Variants in TPST1 observed in about 807,000 individuals in gnomAD.
The protein encoded by TPST1 is tyrosylprotein sulfotransferase 1.
Under a neutral mutation model 34.8 loss-of-function variants are expected in TPST1, and 20 were observed. The ratio of observed to expected loss-of-function variants is 0.57; its 90% CI spans 0.40 to 0.84. The LOEUF is 0.84. Ranked by LOEUF, TPST1 falls within the 40% of genes least tolerant of loss-of-function variation. The pLI, the probability that TPST1 is intolerant of heterozygous loss-of-function variation, is 0.00. For synonymous variants in TPST1, 152 were observed against 159.4 expected, an observed-to-expected ratio of 0.95 and a Z score of 0.35; for missense variants, 353 against 455.5, an observed-to-expected ratio of 0.78 and a Z score of 2.05.
At chr7:66,299,299 G>T (rs1013896033) in intron 3 of TPST1, among the ~76,000 whole-genome samples, 18 of 124,282 alleles carry the variant, frequency 1.4e-4, no homozygotes, top group South Asian at 5.2e-4. Context: ...ATGCTCTTAG[G>T]TTTTTTTTTT....
At chr7:66,275,958 CAT>C (rs758953115) in intron 2 of TPST1, among the ~76,000 whole-genome samples, 4 of 151,460 alleles carry the variant, frequency 2.6e-5, no homozygotes, top group Admixed American at 2.0e-4. Flanking sequence ...TATTTTAAAA[CAT>C]GTTATATATT....
chr7:66,208,013 G>T (rs1483128844), intron 1 of TPST1, among the ~76,000 whole-genome samples: 4 of 150,838 alleles, frequency 2.7e-5, no homozygotes, highest in African/African-American at 4.9e-5. Context: ...GACTGGTTCA[G>T]ACCTTGGTTA....
intron 3 of TPST1, among the ~76,000 whole-genome samples, chr7:66,325,282 G>C (rs1791841348): frequency 6.6e-6 from 1 of 152,090 alleles, no homozygotes; most frequent in Admixed American, 6.6e-5. Flanking sequence ...ACTTCCACCT[G>C]GTCTCTCCCT....
chr7:66,329,588 A>G (rs974658661), intron 3 of TPST1, among the ~76,000 whole-genome samples: 6 of 152,206 alleles, frequency 3.9e-5, no homozygotes, highest in Non-Finnish European at 8.8e-5. Flanking sequence ...GCGTTTCTCC[A>G]GTATATGACA....
chr7:66,357,806 C>T (rs1222831038), intron 5 of TPST1, among the ~76,000 whole-genome samples: 1 of 152,226 alleles, frequency 6.6e-6, no homozygotes, highest in Non-Finnish European at 1.5e-5. Context: ...CTGATATTGG[C>T]TGGGCATGGT....
At chr7:66,221,264 T>A (rs1477195578) in intron 1 of TPST1, among the ~76,000 whole-genome samples, 1 of 152,134 alleles carries the variant, frequency 6.6e-6, no homozygotes, top group African/African-American at 2.4e-5. Context: ...AACTGATTTT[T>A]TTTCCGTAAT....
intron 1 of TPST1, among the ~76,000 whole-genome samples, chr7:66,222,605 G>A (rs367611013): frequency 1.2e-4 from 18 of 152,284 alleles, no homozygotes; most frequent in African/African-American, 2.6e-4. Context: ...GTCAGGGACA[G>A]GTTGACTGAG....
intron 3 of TPST1, among the ~76,000 whole-genome samples, chr7:66,323,044 T>C (rs1413001854): frequency 6.6e-6 from 1 of 152,222 alleles, no homozygotes. Context: ...CATATGCTTG[T>C]TGTCTATTTA....
intron 2 of TPST1, among the ~76,000 whole-genome samples, chr7:66,243,941 ATTTT>A (rs55829208): frequency 6.9e-5 from 8 of 116,212 alleles, no homozygotes; most frequent in Non-Finnish European, 8.8e-5. Context: ...ATTCTGGGAA[ATTTT>A]TTTTTTTTTT....
intron 3 of TPST1, among the ~76,000 whole-genome samples, chr7:66,344,022 T>C (rs1054582537): frequency 6.6e-6 from 1 of 152,146 alleles, no homozygotes; most frequent in Non-Finnish European, 1.5e-5. Flanking sequence ...GGACAATAGA[T>C]AACCTGGGAA....
At chr7:66,358,813 C>T (rs749245403) in intron 5 of TPST1, among the ~76,000 whole-genome samples, 28 of 152,166 alleles carry the variant, frequency 1.8e-4, no homozygotes, top group Non-Finnish European at 3.1e-4. Flanking sequence ...TCTCCCTGCC[C>T]GCCCCACCAA....
At chr7:66,228,764 C>A (rs1215875871) in intron 1 of TPST1, among the ~76,000 whole-genome samples, 1 of 152,156 alleles carries the variant, frequency 6.6e-6, no homozygotes, top group Non-Finnish European at 1.5e-5. Context: ...ATATTTCTAT[C>A]ACACCGAATC....
At chr7:66,259,574 A>AT (rs1299546168) in intron 2 of TPST1, among the ~76,000 whole-genome samples, 2 of 151,770 alleles carry the variant, frequency 1.3e-5, no homozygotes, top group African/African-American at 2.4e-5. Context: ...TAGTTCACTG[A>AT]TTTTTTTCAA....
intron 3 of TPST1, among the ~76,000 whole-genome samples, chr7:66,338,704 C>T (rs915310552): frequency 2.6e-5 from 4 of 152,084 alleles, no homozygotes; most frequent in Admixed American, 6.5e-5. Context: ...AATTAAACAA[C>T]AAATGGACCA....
chr7:66,278,129 A>AAAT (rs1790857246), intron 2 of TPST1, among the ~76,000 whole-genome samples: 6 of 147,128 alleles, frequency 4.1e-5, no homozygotes, highest in South Asian at 2.2e-4. Flanking sequence ...AAAAAAAAAA[A>AAAT]TTGCAGAAAT....
At chr7:66,203,522 G>C (rs956235512), upstream of TPST1, among the ~76,000 whole-genome samples, 4 of 142,712 alleles carry the variant, frequency 2.8e-5, no homozygotes, top group African/African-American at 1.0e-4. Flanking sequence ...GTCTCACTCT[G>C]TTGCCCAGGC....
chr7:66,238,507 CCA>C (rs1789958765), intron 1 of TPST1, among the ~76,000 whole-genome samples: 1 of 151,704 alleles, frequency 6.6e-6, no homozygotes, highest in Non-Finnish European at 1.5e-5. Context: ...ACCTGGCCTG[CCA>C]CAGTCTTAAC....
At chr7:66,334,445 G>A (rs1452073274) in intron 3 of TPST1, among the ~76,000 whole-genome samples, 1 of 151,948 alleles carries the variant, frequency 6.6e-6, no homozygotes, top group African/African-American at 2.4e-5. Flanking sequence ...AGACCAGCCT[G>A]GCCAACATGG....
chr7:66,346,225 C>T (rs1229364242), intron 3 of TPST1, among the ~76,000 whole-genome samples: 2 of 151,762 alleles, frequency 1.3e-5, no homozygotes, highest in African/African-American at 2.4e-5. Context: ...ATCCATTTAT[C>T]TGTTGATGGA....
Sources: gnomAD v4.1 joint callset for allele counts (sites outside exome capture counted in the v4.1 genomes callset) on GRCh38, gnomAD v4.1.1 for gene constraint, MANE v1.5 for transcripts, NCBI Gene and HGNC (gene_info 2026-07-23, HGNC 2026-07-21) for gene names.